MBTD1: variants seen among roughly 807,000 people sequenced by gnomAD.
MBTD1 encodes MBT domain-containing protein 1.
Under a neutral mutation model 87.8 loss-of-function variants are expected in MBTD1, and 24 were observed. The ratio of observed to expected loss-of-function variants is 0.27; its 90% CI spans 0.20 to 0.38. The LOEUF (loss-of-function observed/expected upper bound fraction) is 0.38. MBTD1 is among the 10% of genes least tolerant of loss of function. The pLI is 1.00. For missense variants in MBTD1, 436 were observed against 760.2 expected, an observed-to-expected ratio of 0.57 and a Z score of 5.02; for synonymous variants, 237 against 248.6, an observed-to-expected ratio of 0.95 and a Z score of 0.44.
chr17:51,249,673 G>T (rs934340785), intron 2 of MBTD1: 1 of 151,908 alleles, frequency 6.6e-6, no homozygotes, highest in African/African-American at 2.4e-5. Flanking sequence ...ATTATGTACT[G>T]TATACTTTTT....
Position 51,246,929 on chromosome 17 carries a change from T to C in MBTD1, c.-49+12214A>G, listed in dbSNP as rs1196720242. On this transcript the variant is annotated intron_variant, in intron 2 of 16. Transcript: ENST00000586178. ...TGCTGGGATTACAGGTGTGAGTCAC[T>C]GCACCTGGCCATTTGTTTTCTTTTC... is the stretch of plus-strand genomic sequence containing the variant. Among the ~76,000 whole-genome samples the C allele has an allele frequency of 4.6e-5, 7 of 152,218 alleles. No homozygotes were observed. The East Asian group carries it at 1.4e-3, about 29-fold the overall frequency.
At chr17:51,212,086 G>A (rs1459226582) in intron 6 of MBTD1, among the ~76,000 whole-genome samples, 1 of 152,106 alleles carries the variant, frequency 6.6e-6, no homozygotes, top group East Asian at 1.9e-4. Flanking sequence ...GCGGCCAGGC[G>A]CGGTGGCTCA....
intron 3 of MBTD1, among the ~76,000 whole-genome samples, chr17:51,223,132 T>C (rs1175213465): frequency 6.6e-6 from 1 of 151,860 alleles, no homozygotes; most frequent in East Asian, 1.9e-4. Context: ...ACCAAAAGAC[T>C]AGAATAGGAC....
chr17:51,225,075 A>C lies in MBTD1; in HGVS notation c.87T>G (p.Pro29=). ...TGTTTTTGATAATCGGGAGATTAGA[A>C]GGTAAAGGAGCGACTTCTTCCTCAC... ...EESEEEVAPL[P]SNLPIIKNNG... is the part of the protein sequence containing the mutation. Residue 29 remains proline, a synonymous_variant, in exon 3 of 17, where the codon CCT becomes CCG. Transcript: ENST00000586178. 2 of 1,551,790 alleles carry C rather than the reference A, an allele frequency of 1.3e-6. No homozygotes were observed. Among genetic ancestry groups the C allele is most frequent in the Non-Finnish European group, 1.7e-6 (2 of 1,146,942 alleles).
chr17:51,223,745 A>G (rs1383015387), intron 3 of MBTD1, among the ~76,000 whole-genome samples: 1 of 152,164 alleles, frequency 6.6e-6, no homozygotes, highest in Non-Finnish European at 1.5e-5. Flanking sequence ...CTGAGGCAGG[A>G]GAATTGCTTG....
intron 2 of MBTD1, chr17:51,256,624 C>T (rs2055104955): frequency 6.6e-6 from 1 of 152,162 alleles, no homozygotes; most frequent in East Asian, 1.9e-4. Flanking sequence ...GTATGCCAGA[C>T]ATTTGGCTAC....
intron 16 of MBTD1, 175 bp downstream of exon 16, chr17:51,192,028 C>A: frequency 1.7e-6 from 1 of 601,584 alleles, no homozygotes; most frequent in South Asian, 2.1e-5. Flanking sequence ...AGTAAAATAT[C>A]AGTGTTTCTC....
At chr17:51,195,400 T>C (rs2051041317) in intron 12 of MBTD1, 39 bp from the exon 13 acceptor site, 2 of 1,472,710 alleles carry the variant, frequency 1.4e-6, no homozygotes, top group Middle Eastern at 1.8e-4. Flanking sequence ...TGAAATTAGA[T>C]ACCACTATTA....
At chr17:51,231,906 A>G (rs1246956831) in intron 2 of MBTD1, among the ~76,000 whole-genome samples, 1 of 152,022 alleles carries the variant, frequency 6.6e-6, no homozygotes, top group African/African-American at 2.4e-5. Context: ...AGCGAACTAA[A>G]TATTAATATA....
chr17:51,186,039 G>A (rs1458193828), intron 16 of MBTD1: 1 of 152,816 alleles, frequency 6.5e-6, no homozygotes. Context: ...TTTGAGGCTG[G>A]GACTGAACTC....
chr17:51,227,288 T>C (rs2053283819), intron 2 of MBTD1, among the ~76,000 whole-genome samples: 1 of 148,976 alleles, frequency 6.7e-6, no homozygotes, highest in East Asian at 2.0e-4. Flanking sequence ...TGGCTGGGCA[T>C]GGTGGCTCGC....
intron 2 of MBTD1, among the ~76,000 whole-genome samples, chr17:51,225,661 G>C (rs1254203328): frequency 6.6e-6 from 1 of 151,986 alleles, no homozygotes; most frequent in Non-Finnish European, 1.5e-5. Flanking sequence ...TGCCTCAAGG[G>C]ATGTCCTGCC....
rs1381348606 is a variant in MBTD1 at position 51,204,093 on chromosome 17, A to AATC, written c.605-169_605-168insGAT. 2.0e-5 allele frequency among the ~76,000 whole-genome samples: 3 copies of AATC among 152,182 alleles called. No homozygotes were observed. In the East Asian group the frequency reaches 5.8e-4, roughly 29 times the overall value. Reference sequence around the variant, plus strand: ...CACTCCAGAGATTCTGATTTTGTAGATCTTGGGTGGGAACTGAGAATATGC... The same window carrying AATC: ...CACTCCAGAGATTCTGATTTTGTAGAATCTCTTGGGTGGGAACTGAGAATATGC... On this transcript the variant is annotated intron_variant, in intron 7 of 16. Coordinates refer to ENST00000586178, the MANE Select transcript of MBTD1 (RefSeq NM_017643.3).
intron 3 of MBTD1, among the ~76,000 whole-genome samples, chr17:51,222,414 G>GTT (rs11386151): frequency 1.3e-5 from 2 of 151,676 alleles, no homozygotes; most frequent in Non-Finnish European, 2.9e-5. Context: ...TGTTTTGTTT[G>GTT]TTTTTTTTGA....
chr17:51,230,076 C>T (rs1414230119), intron 2 of MBTD1, among the ~76,000 whole-genome samples: 1 of 152,208 alleles, frequency 6.6e-6, no homozygotes, highest in African/African-American at 2.4e-5. Context: ...GCTTGGTCAT[C>T]TAACCTGATT....
intron 2 of MBTD1, among the ~76,000 whole-genome samples, chr17:51,232,441 G>C (rs573309406): frequency 9.3e-4 from 142 of 152,024 alleles, no homozygotes; most frequent in Non-Finnish European, 1.6e-4. Context: ...AATTGACAGA[G>C]ACAGAACATA....
intron 6 of MBTD1, among the ~76,000 whole-genome samples, chr17:51,215,936 T>TC (rs2052543243): frequency 6.8e-6 from 1 of 147,528 alleles, no homozygotes; most frequent in African/African-American, 2.5e-5. Context: ...AATTTTTTTT[T>TC]TTTTTTTTTT....
Position 51,210,107 on chromosome 17 carries a change from T to A in MBTD1, c.487-3102A>T, listed in dbSNP as rs550200076. 9.2e-5 allele frequency among the ~76,000 whole-genome samples: 14 copies of A among 152,224 alleles called. No homozygotes were observed. In the East Asian group the frequency reaches 2.5e-3, roughly 27 times the overall value. Reference sequence around the variant, plus strand: ...ACCTCCGCCTCCTGGGTCCAAGCCATTCTCTTGCCTCAGCCTCCCGAGTAG... The same window carrying A: ...ACCTCCGCCTCCTGGGTCCAAGCCAATCTCTTGCCTCAGCCTCCCGAGTAG... On this transcript the variant is annotated intron_variant, in intron 6 of 16. Transcript: ENST00000586178.
At chr17:51,217,301 A>G in intron 6 of MBTD1, 33 bp downstream of exon 6, 1 of 1,224,856 alleles carries the variant, frequency 8.2e-7, no homozygotes. Flanking sequence ...ATGACTAAGT[A>G]CTTCAAAATA....
Sources: gnomAD v4.1 joint callset for allele counts (sites outside exome capture counted in the v4.1 genomes callset) on GRCh38, gnomAD v4.1.1 for gene constraint, MANE v1.5 for transcripts, NCBI Gene and HGNC (gene_info 2026-07-23, HGNC 2026-07-21) for gene names.